Variants in SGCZ observed in about 807,000 individuals in gnomAD.
SGCZ encodes the protein sarcoglycan zeta, also known as zeta-sarcoglycan.
A neutral mutation model predicts 41.3 loss-of-function variants in SGCZ; 40 were observed. The observed-to-expected ratio is 0.97, with a 90% CI of 0.75 to 1.26. SGCZ has a LOEUF of 1.26. SGCZ is among the 50% of genes most tolerant of loss of function. The pLI is 0.00. For synonymous variants in SGCZ, 206 were observed against 137.5 expected (o/e 1.50, Z -3.49); for missense variants, 552 against 369.8 (o/e 1.49, Z -4.04).
intron 1 of SGCZ, among the ~76,000 whole-genome samples, chr8:15,103,958 C>A (rs996633601): frequency 6.6e-6 from 1 of 152,154 alleles, no homozygotes; most frequent in African/African-American, 2.4e-5. Context: ...ATCCAGGCAA[C>A]AGAAATCCCC....
chr8:15,202,554 C>A (rs1468370902), intron 1 of SGCZ, among the ~76,000 whole-genome samples: 1 of 152,090 alleles, frequency 6.6e-6, no homozygotes, highest in Admixed American at 6.5e-5. Flanking sequence ...ACAATGTACA[C>A]TTCTTGGATG....
intron 3 of SGCZ, among the ~76,000 whole-genome samples, chr8:14,286,989 C>G (rs887143988): frequency 2.6e-5 from 4 of 151,910 alleles, no homozygotes; most frequent in African/African-American, 9.7e-5. Context: ...TTTTCCCCTA[C>G]TTGTGCATAT....
intron 1 of SGCZ, among the ~76,000 whole-genome samples, chr8:14,712,802 T>G (rs73664438): frequency 0.043 from 6,475 of 152,188 alleles, 460 homozygotes; most frequent in African/African-American, 0.15. Flanking sequence ...TTTAAATATG[T>G]CCTTATTTTT....
intron 1 of SGCZ, among the ~76,000 whole-genome samples, chr8:14,842,539 G>A (rs923946658): frequency 2.6e-5 from 4 of 151,586 alleles, no homozygotes; most frequent in African/African-American, 4.8e-5. Context: ...AGCAAAAATA[G>A]GGAGGGAGAG....
intron 2 of SGCZ, among the ~76,000 whole-genome samples, chr8:14,433,942 C>T: frequency 6.6e-6 from 1 of 151,636 alleles, no homozygotes; most frequent in Non-Finnish European, 1.5e-5. Flanking sequence ...TCAAGAATTA[C>T]TATATTTTAC....
intron 1 of SGCZ, among the ~76,000 whole-genome samples, chr8:14,746,147 A>G (rs368653279): frequency 2.4e-4 from 37 of 152,118 alleles, no homozygotes; most frequent in African/African-American, 6.0e-4. Context: ...CCACAAGGTC[A>G]TTAGCATAAT....
chr8:14,141,891 C>G (rs1803381827), intron 5 of SGCZ, among the ~76,000 whole-genome samples: 1 of 152,140 alleles, frequency 6.6e-6, no homozygotes, highest in Admixed American at 6.5e-5. Context: ...GCACTATTCA[C>G]AATAGCCAAG....
chr8:14,525,164 ATAGATAGAT>A (rs1802906624), intron 2 of SGCZ, among the ~76,000 whole-genome samples: 1 of 109,404 alleles, frequency 9.1e-6, no homozygotes, highest in Non-Finnish European at 1.7e-5. Flanking sequence ...AGATAGATAG[ATAGATAGAT>A]AGATAGATAG....
intron 3 of SGCZ, among the ~76,000 whole-genome samples, chr8:14,272,729 A>C (rs1452441823): frequency 6.6e-6 from 1 of 152,182 alleles, no homozygotes; most frequent in African/African-American, 2.4e-5. Flanking sequence ...AGTTTACTTG[A>C]AAATATTGTT....
chr8:14,892,652 G>T (rs1283425418), intron 1 of SGCZ, among the ~76,000 whole-genome samples: 1 of 151,984 alleles, frequency 6.6e-6, no homozygotes, highest in African/African-American at 2.4e-5. Flanking sequence ...AAAAAATAAG[G>T]ATTGTTTATA....
intron 1 of SGCZ, among the ~76,000 whole-genome samples, chr8:14,691,882 G>A (rs918445519): frequency 4.0e-5 from 6 of 151,828 alleles, no homozygotes; most frequent in African/African-American, 1.4e-4. Context: ...TGTTTTGTGA[G>A]AAAATAAATT....
At chr8:14,914,208 T>A (rs1799360713) in intron 1 of SGCZ, among the ~76,000 whole-genome samples, 1 of 149,562 alleles carries the variant, frequency 6.7e-6, no homozygotes, top group South Asian at 2.1e-4. Context: ...AAACATCATT[T>A]TATATATATA....
chr8:14,250,011 A>G (rs1038427481), intron 3 of SGCZ, among the ~76,000 whole-genome samples: 1 of 152,212 alleles, frequency 6.6e-6, no homozygotes, highest in African/African-American at 2.4e-5. Context: ...ACAAATCAAT[A>G]ATGTACATAC....
chr8:14,823,735 T>G (rs1163067452), intron 1 of SGCZ, among the ~76,000 whole-genome samples: 1 of 152,156 alleles, frequency 6.6e-6, no homozygotes, highest in East Asian at 1.9e-4. Context: ...GTGTCTATAT[T>G]CAAAGGACAT....
At chr8:14,564,190 A>C (rs2117213799) in intron 1 of SGCZ, among the ~76,000 whole-genome samples, 1 of 152,284 alleles carries the variant, frequency 6.6e-6, no homozygotes, top group Non-Finnish European at 1.5e-5. Flanking sequence ...AAATAGCAAC[A>C]TGCAACATCC....
At chr8:14,147,281 T>C (rs1803556283) in intron 5 of SGCZ, among the ~76,000 whole-genome samples, 1 of 151,694 alleles carries the variant, frequency 6.6e-6, no homozygotes, top group African/African-American at 2.4e-5. Context: ...GCTGAATAAA[T>C]GAAAAAACAG....
chr8:14,964,922 C>G (rs756903865), intron 1 of SGCZ, among the ~76,000 whole-genome samples: 1 of 152,096 alleles, frequency 6.6e-6, no homozygotes, highest in Non-Finnish European at 1.5e-5. Flanking sequence ...CTGACTGAAC[C>G]TGGTGAACCC....
intron 1 of SGCZ, among the ~76,000 whole-genome samples, chr8:14,627,005 T>G (rs1472025993): frequency 6.6e-6 from 1 of 152,218 alleles, no homozygotes; most frequent in Non-Finnish European, 1.5e-5. Context: ...ACATGATAGT[T>G]GCCTTCCAAA....
intron 1 of SGCZ, among the ~76,000 whole-genome samples, chr8:15,172,307 G>A (rs994687765): frequency 7.3e-5 from 11 of 150,146 alleles, no homozygotes; most frequent in East Asian, 1.9e-4. Context: ...GACTACAGGC[G>A]CGCGCCACCA....
Sources: gnomAD v4.1 joint callset for allele counts (sites outside exome capture counted in the v4.1 genomes callset) on GRCh38, gnomAD v4.1.1 for gene constraint, MANE v1.5 for transcripts, NCBI Gene and HGNC (gene_info 2026-07-23, HGNC 2026-07-21) for gene names.